ARID5B: variants seen among roughly 807,000 people sequenced by gnomAD.
The protein encoded by ARID5B is AT-rich interactive domain-containing protein 5B.
A neutral mutation model predicts 97.2 loss-of-function variants in ARID5B; 13 were observed. The ratio of observed to expected loss-of-function variants is 0.13; its 90% CI spans 0.09 to 0.21. The LOEUF is 0.21. Among genes scored for constraint, ARID5B ranks in the 10% least tolerant of loss-of-function variants. The probability of loss-of-function intolerance (pLI) is 1.00; values close to 1 mark genes in which losing one functional copy is unlikely to be tolerated. For synonymous variants in ARID5B, 556 were observed against 570.3 expected, an observed-to-expected ratio of 0.97 and a Z score of 0.36; for missense variants, 1,210 against 1,465.3, an observed-to-expected ratio of 0.83 and a Z score of 2.84.
At chr10:61,988,379 A>G (rs1039423715) in intron 3 of ARID5B, among the ~76,000 whole-genome samples, 1 of 152,200 alleles carries the variant, frequency 6.6e-6, no homozygotes, top group Admixed American at 6.5e-5. Context: ...GTTACAGCAG[A>G]AGGATATGTT....
intron 3 of ARID5B, among the ~76,000 whole-genome samples, chr10:61,960,145 T>C (rs1337037011): frequency 6.6e-6 from 1 of 152,142 alleles, no homozygotes; most frequent in Non-Finnish European, 1.5e-5. Flanking sequence ...GGCATGACTG[T>C]CTTATTTCAT....
At chr10:61,910,722 A>C (rs1385949115) in intron 2 of ARID5B, among the ~76,000 whole-genome samples, 1 of 152,248 alleles carries the variant, frequency 6.6e-6, no homozygotes, top group Non-Finnish European at 1.5e-5. Context: ...TGCTAATGGC[A>C]TCAATCTCTC....
At position 62,051,018 on chromosome 10, in the gene ARID5B, A is replaced by T. The variant is rs898795654; in HGVS notation, c.846+18A>T. 6.3e-7 allele frequency: 1 copy of T among 1,589,234 alleles called. No homozygotes were observed. On this transcript the variant is annotated intron_variant, in intron 5 of 9. Transcript: ENST00000279873. ...TTGCCAAGGTACGGTCATTCACTCC[A>T]CGGTATTCATTTCGTTGCATCTTTT... is the stretch of plus-strand genomic sequence containing the variant.
At chr10:62,083,312 T>C (rs1010640629) in intron 8 of ARID5B, among the ~76,000 whole-genome samples, 3 of 58,262 alleles carry the variant, frequency 5.1e-5, no homozygotes, top group African/African-American at 1.8e-4. Flanking sequence ...AAAGAAAAAA[T>C]GAAAAAAAAA....
chr10:61,999,896 G>A (rs375662910), intron 3 of ARID5B, among the ~76,000 whole-genome samples, 195 bp from the exon 4 acceptor site: 1 of 152,138 alleles, frequency 6.6e-6, no homozygotes, highest in East Asian at 1.9e-4. Flanking sequence ...TCCACTGTGC[G>A]GGTAGCCTGA....
At chr10:62,077,212 A>G (rs1236661268) in intron 8 of ARID5B, among the ~76,000 whole-genome samples, 1 of 152,212 alleles carries the variant, frequency 6.6e-6, no homozygotes, top group Non-Finnish European at 1.5e-5. Flanking sequence ...CAAGAGCCGC[A>G]TAGTCTGTAT....
At chr10:62,047,391 C>T (rs1564636017) in intron 4 of ARID5B, among the ~76,000 whole-genome samples, 2 of 152,158 alleles carry the variant, frequency 1.3e-5, no homozygotes, top group Non-Finnish European at 2.9e-5. Flanking sequence ...TAAGCCAGGC[C>T]AGTGAATCAT....
chr10:62,048,745 T>C (rs1839745361), intron 4 of ARID5B, among the ~76,000 whole-genome samples: 1 of 152,234 alleles, frequency 6.6e-6, no homozygotes, highest in Non-Finnish European at 1.5e-5. Context: ...GCATGTTCGA[T>C]GCAAGTTCTG....
chr10:62,040,860 G>A (rs1030947339), intron 4 of ARID5B, among the ~76,000 whole-genome samples: 4 of 152,128 alleles, frequency 2.6e-5, no homozygotes, highest in Admixed American at 2.0e-4. Flanking sequence ...CGTGGCTAGC[G>A]GTGACTGTAT....
chr10:62,080,727 T>C (rs1840201080), intron 8 of ARID5B, among the ~76,000 whole-genome samples: 1 of 152,216 alleles, frequency 6.6e-6, no homozygotes, highest in Non-Finnish European at 1.5e-5. Context: ...ATGACTCCAT[T>C]TGGGGTGAGA....
intron 7 of ARID5B, among the ~76,000 whole-genome samples, chr10:62,069,083 T>C (rs187854229): frequency 3.3e-4 from 50 of 152,326 alleles, no homozygotes; most frequent in Admixed American, 1.2e-3. Context: ...TTTGGTTTTG[T>C]TTTGGTGGTT....
rs1164342402 is a variant in ARID5B at position 61,983,867 on chromosome 10, C to CT, written c.503-16193dup. Among the ~76,000 whole-genome samples, 170 of 27,584 alleles carry CT rather than the reference C, an allele frequency of 6.2e-3. 48 individuals carry two copies. The highest frequency in any genetic ancestry group is 0.025 in the African/African-American group (159 of 6,316). The allele number at this position is 27,584 out of a possible 152,430, so 18.1% of individuals were successfully genotyped here. A position where few individuals can be genotyped will look rare whatever the true frequency, so the allele number is the denominator to read the frequency against. On this transcript the variant is annotated intron_variant, in intron 3 of 9. Coordinates refer to ENST00000279873, the MANE Select transcript of ARID5B (RefSeq NM_032199.3). ...TATATTTTTTAAACCCCCTTTTGTT[C>CT]TTTTTTTTTTTTTTTTTTTTTTTTT...
At chr10:61,971,085 G>C (rs1838620950) in intron 3 of ARID5B, among the ~76,000 whole-genome samples, 1 of 152,146 alleles carries the variant, frequency 6.6e-6, no homozygotes, top group African/African-American at 2.4e-5. Flanking sequence ...TATCTGTTAA[G>C]TGTATTTGGC....
At chr10:62,035,438 AC>A (rs984661534) in intron 4 of ARID5B, among the ~76,000 whole-genome samples, 1 of 152,224 alleles carries the variant, frequency 6.6e-6, no homozygotes, top group African/African-American at 2.4e-5. Flanking sequence ...TGATTTCAGT[AC>A]AGGGTGCCAG....
intron 2 of ARID5B, among the ~76,000 whole-genome samples, chr10:61,912,008 A>G (rs893385012): frequency 6.6e-6 from 1 of 152,178 alleles, no homozygotes; most frequent in Non-Finnish European, 1.5e-5. Context: ...TGATATAGTT[A>G]TTGAACAATG....
intron 4 of ARID5B, among the ~76,000 whole-genome samples, chr10:62,038,934 T>A (rs1387501997): frequency 6.6e-6 from 1 of 152,198 alleles, no homozygotes; most frequent in Non-Finnish European, 1.5e-5. Flanking sequence ...TTCTCCACCT[T>A]CCGATTGCCA....
intron 2 of ARID5B, among the ~76,000 whole-genome samples, chr10:61,922,771 C>T (rs1188246866): frequency 4.6e-5 from 7 of 152,196 alleles, no homozygotes; most frequent in Non-Finnish European, 7.3e-5. Context: ...CCTGGCCCTC[C>T]TTCCATGTTG....
chr10:62,038,058 T>C (rs1839587805), intron 4 of ARID5B, among the ~76,000 whole-genome samples: 1 of 152,228 alleles, frequency 6.6e-6, no homozygotes, highest in Non-Finnish European at 1.5e-5. Context: ...AAGTAGTTTA[T>C]GTTCTCATGT....
At chr10:62,068,957 C>T (rs183246554) in intron 7 of ARID5B, among the ~76,000 whole-genome samples, 13 of 152,242 alleles carry the variant, frequency 8.5e-5, no homozygotes, top group South Asian at 8.3e-4. Context: ...CAATAATGTA[C>T]GTAGCTAGCA....
Sources: allele counts gnomAD v4.1 joint callset (sites outside exome capture counted in the v4.1 genomes callset), GRCh38; gene constraint gnomAD v4.1.1; transcripts MANE v1.5; gene names NCBI Gene and HGNC (gene_info 2026-07-23, HGNC 2026-07-21).